Variants in ACOT11 observed in about 807,000 individuals in gnomAD.
The protein encoded by ACOT11 is acyl-coenzyme A thioesterase 11.
In ACOT11, 69 loss-of-function variants were observed where a neutral mutation model predicts 77.5. The observed-to-expected ratio is 0.89, with a 90% confidence interval of 0.73 to 1.09. The LOEUF (loss-of-function observed/expected upper bound fraction) is 1.09. Ranked by LOEUF, ACOT11 falls within the 50% of genes least tolerant of loss-of-function variation. ACOT11 has a pLI of 0.00. For missense variants in ACOT11, 766 were observed against 813.7 expected (o/e 0.94, Z 0.71); for synonymous variants, 279 against 313.0 (o/e 0.89, Z 1.15).
At chr1:54,583,204 C>A (rs962151230) in intron 1 of ACOT11, among the ~76,000 whole-genome samples, 2 of 152,140 alleles carry the variant, frequency 1.3e-5, no homozygotes, top group Non-Finnish European at 2.9e-5. Context: ...GGATGGCTGT[C>A]TTCCTGCCTC....
chr1:54,607,829 TG>T lies in ACOT11; in HGVS notation c.1503-111del. The T allele has an allele frequency of 7.1e-7, 1 of 1,403,490 alleles. No individual in the cohort carries two copies. Among genetic ancestry groups the T allele is most frequent in the Admixed American group, 2.0e-5 (1 of 49,748 alleles). The allele number at this position is 1,403,490 out of a possible 1,614,324, so 86.9% of individuals were successfully genotyped here. A position where few individuals can be genotyped will look rare whatever the true frequency, so the allele number is the denominator to read the frequency against. The stretch of plus-strand genomic sequence containing the variant: ...AGAGTCGATGTGCCTTGCATCCCCC[TG>T]GTGAGGAATCTGTGCTAGAGGGGGC... On this transcript the variant is annotated intron_variant, in intron 14 of 15. Transcript: ENST00000343744. This position sits in a 1 kb window ranked among gnomAD's most constrained non-coding sequence, Gnocchi z 4.5.
At chr1:54,568,136 G>A (rs12087711) in intron 1 of ACOT11, among the ~76,000 whole-genome samples, 9,557 of 152,126 alleles carry the variant, frequency 0.063, 969 homozygotes, top group African/African-American at 0.21. Flanking sequence ...CCGCAACCCT[G>A]CACAGTCTTG....
intron 3 of ACOT11, 32 bp downstream of exon 3, chr1:54,585,936 G>A (rs745966983): frequency 3.1e-6 from 5 of 1,610,392 alleles, no homozygotes; most frequent in Non-Finnish European, 3.4e-6. Flanking sequence ...AAGGTCCTCT[G>A]GGCTCCCTCC....
chr1:54,638,266 AAAT>A (rs1172775754), exon 17 of ACOT11: 4 of 152,398 alleles, frequency 2.6e-5, no homozygotes, highest in African/African-American at 9.6e-5. Context: ...TGATGTACTA[AAAT>A]AAAATACCAC....
At position 54,605,144 on chromosome 1, in the gene ACOT11, T is replaced by G. The variant is rs750980009; in HGVS notation, c.1305T>G (p.Asp435Glu). 11 of 1,614,032 alleles carry G rather than the reference T, an allele frequency of 6.8e-6. No individual in the cohort carries two copies. Among genetic ancestry groups the G allele is most frequent in the Admixed American group, 1.7e-5 (1 of 60,030 alleles). Residue 435 changes from aspartate (D) to glutamate (E), a missense_variant, in exon 13 of 16, where the codon GAT becomes GAG. Transcript: ENST00000343744. Reference sequence around the variant, plus strand: ...ACATGGAGATGGTGGTGCATGTGGATGCAGCCCAGGCCTTCCTGCTGCTCT... The same window carrying G: ...ACATGGAGATGGTGGTGCATGTGGAGGCAGCCCAGGCCTTCCTGCTGCTCT... ...SFHMEMVVHV[D>E]AAQAFLLLSD...
At chr1:54,585,249 C>T (rs1230279730) in intron 2 of ACOT11, among the ~76,000 whole-genome samples, 4 of 152,156 alleles carry the variant, frequency 2.6e-5, no homozygotes, top group Admixed American at 6.6e-5. Flanking sequence ...TTTGTTGCAC[C>T]GGTGTTCTCC....
chr1:54,595,844 G>A (rs181316370), intron 6 of ACOT11, among the ~76,000 whole-genome samples: 3 of 152,296 alleles, frequency 2.0e-5, no homozygotes, highest in Non-Finnish European at 4.4e-5. Context: ...AGTCTTCCTT[G>A]AAACCAAAAG....
At chr1:54,614,929 A>G (rs1444351673), downstream of ACOT11, 2 of 1,490,116 alleles carry the variant, frequency 1.3e-6, no homozygotes, top group Non-Finnish European at 1.8e-6. Flanking sequence ...CCTGGGCAGA[A>G]AGCAGAGCGG....
chr1:54,568,002 A>C (rs1417762827), intron 1 of ACOT11, among the ~76,000 whole-genome samples: 1 of 152,162 alleles, frequency 6.6e-6, no homozygotes, highest in Non-Finnish European at 1.5e-5. Context: ...ACAAGACCTT[A>C]GGGGATGGGG....
chr1:54,611,660 G>A (rs1644119946), downstream of ACOT11: 1 of 1,614,060 alleles, frequency 6.2e-7, no homozygotes, highest in African/African-American at 1.3e-5. Flanking sequence ...TAGTAGACTT[G>A]GTGGACAGCA....
At chr1:54,569,148 G>A (rs1237513683) in intron 1 of ACOT11, among the ~76,000 whole-genome samples, 2 of 148,752 alleles carry the variant, frequency 1.3e-5, no homozygotes, top group African/African-American at 2.5e-5. Flanking sequence ...TTTTTGTAGA[G>A]ATGGGATCTT....
rs1474862920 is a variant in ACOT11 at position 54,605,068 on chromosome 1, C to G, written c.1237-8C>G. The G allele has an allele frequency of 6.2e-7, 1 of 1,611,310 alleles. No individual in the cohort carries two copies. The highest frequency in any genetic ancestry group is 2.2e-5 in the East Asian group (1 of 44,844). On this transcript the variant is annotated splice_region_variant and splice_polypyrimidine_tract_variant and intron_variant, in intron 12 of 15. Coordinates refer to ENST00000343744, the MANE Select transcript of ACOT11 (RefSeq NM_147161.4). ...CCAGCAAATGAGGCTGCCCTCTATCCCATGCAGGTCCGCCTGTACACTCTG... is the reference window on the plus strand; with the variant it reads ...CCAGCAAATGAGGCTGCCCTCTATCGCATGCAGGTCCGCCTGTACACTCTG...
chr1:54,597,341 C>T lies in ACOT11; in HGVS notation c.690C>T (p.His230=), dbSNP rs750416407. Residue 230 remains histidine (H), a synonymous_variant, in exon 7 of 16, where the codon CAC becomes CAT. Transcript: ENST00000343744. The stretch of plus-strand genomic sequence containing the variant: ...GTGTGGAGCTGGTCCTGCCTCCCCA[C>T]GCCAATCACCAGGGCAACACCTTTG... ...VESVELVLPP[H]ANHQGNTFGG... 28 of 1,613,830 alleles carry T rather than the reference C, an allele frequency of 1.7e-5. No homozygotes were observed. The highest frequency in any genetic ancestry group is 3.3e-5 in the South Asian group (3 of 91,060).
intron 3 of ACOT11, among the ~76,000 whole-genome samples, chr1:54,586,879 C>T (rs1468204388): frequency 6.6e-6 from 1 of 152,190 alleles, no homozygotes; most frequent in Non-Finnish European, 1.5e-5. Flanking sequence ...CCAGGACAGG[C>T]TGCAGGGCCA....
chr1:54,625,875 G>T (rs1399812615), intron 15 of ACOT11, among the ~76,000 whole-genome samples: 1 of 150,808 alleles, frequency 6.6e-6, no homozygotes, highest in Non-Finnish European at 1.5e-5. Flanking sequence ...GGAGGCGGAG[G>T]TTGCGGTGAG....
rs138502889 is a variant in ACOT11, at chr1:54,607,995, C to T, written c.1556C>T (p.Thr519Met). ...RSVTLPTHRE[T>M]PEYRRGETLC... ...GTCACGCTGCCCACACACCGAGAGA[C>T]GCCAGAGTACAGACGCGGAGAGACC... The change falls in exon 15 of 16, where the codon ACG (threonine) becomes ATG (methionine). Residue 519 changes from threonine to methionine, a missense_variant. Coordinates refer to ENST00000343744, the MANE Select transcript of ACOT11 (RefSeq NM_147161.4). The surrounding 1 kb of genome is among the most constrained non-coding windows in gnomAD (Gnocchi z 4.5). The T allele has an allele frequency of 3.5e-5, 56 of 1,613,852 alleles. No individual in the cohort carries two copies. The highest frequency in any genetic ancestry group is 1.6e-4 in the East Asian group (7 of 44,862).
chr1:54,582,628 T>C (rs2100976362), intron 1 of ACOT11: 1 of 582,162 alleles, frequency 1.7e-6, no homozygotes, highest in Non-Finnish European at 2.2e-6. Flanking sequence ...AGAGCTTAGG[T>C]ATCATGACTG....
chr1:54,601,125 GTATGTGTGTGCATACGTGTGT>G, intron 8 of ACOT11, 123 bp from the exon 9 acceptor site: 1 of 784,776 alleles, frequency 1.3e-6, no homozygotes, highest in East Asian at 3.6e-5. Flanking sequence ...ACATGTGTGT[GTATGTGTGTGCATACGTGTGT>G]GTGTGTGCAT....
chr1:54,583,876 C>G (rs959518051), intron 1 of ACOT11, among the ~76,000 whole-genome samples: 1 of 152,208 alleles, frequency 6.6e-6, no homozygotes, highest in Admixed American at 6.5e-5. Context: ...AGCTCATGGT[C>G]TGCTTAGGGA....
Sources: gnomAD v4.1 joint callset for allele counts (sites outside exome capture counted in the v4.1 genomes callset) on GRCh38, gnomAD v4.1.1 for gene constraint, Gnocchi (gnomAD v3.1) non-coding constraint, MANE v1.5 for transcripts, NCBI Gene and HGNC (gene_info 2026-07-23, HGNC 2026-07-21) for gene names.